The following ZFP82 variants were observed in gnomAD, a reference collection of about 807,000 sequenced individuals.
The protein encoded by ZFP82 is ZFP82 zinc finger protein.
A neutral mutation model predicts 54.0 loss-of-function variants in ZFP82; 30 were observed. The ratio of observed to expected loss-of-function variants is 0.56; its 90% confidence interval spans 0.42 to 0.75. The LOEUF is 0.75. Among genes scored for constraint, ZFP82 ranks in the 30% least tolerant of loss-of-function variants. The probability of loss-of-function intolerance (pLI) is 0.00; values close to 1 mark genes in which losing one functional copy is unlikely to be tolerated. For missense variants in ZFP82, 500 were observed against 636.8 expected (o/e 0.79, Z 2.31); for synonymous variants, 194 against 209.5 (o/e 0.93, Z 0.64).
At position 36,409,768 on chromosome 19, in the gene ZFP82, G is replaced by A. The variant is rs767900953; in HGVS notation, c.9+13C>T. Reference sequence around the variant, plus strand: ...TAACATGATAGTATTCCTAGGAGGAGAAAAAAACTTACAAGGGCCATGGTA... The same window carrying A: ...TAACATGATAGTATTCCTAGGAGGAAAAAAAAACTTACAAGGGCCATGGTA... On this transcript the variant is annotated intron_variant, in intron 2 of 4. Coordinates refer to ENST00000392161, the MANE Select transcript of ZFP82 (RefSeq NM_133466.4). The A allele has an allele frequency of 6.2e-7, 1 of 1,613,570 alleles. No individual in the cohort carries two copies. The highest frequency in any genetic ancestry group is 1.1e-5 in the South Asian group (1 of 91,062).
intron 1 of ZFP82, among the ~76,000 whole-genome samples, chr19:36,414,687 T>A (rs2032639034): frequency 1.3e-5 from 2 of 151,992 alleles, no homozygotes; most frequent in African/African-American, 4.8e-5. Flanking sequence ...AATAATGTTA[T>A]CAAAAAAGGA....
Position 36,393,282 on chromosome 19 carries a change from AGTT to A in ZFP82, c.1055_1057del (p.Gln352del). 15 of 1,613,936 alleles carry A rather than the reference AGTT, an allele frequency of 9.3e-6. No individual in the cohort carries two copies. Among genetic ancestry groups the A allele is most frequent in the Non-Finnish European group, 1.3e-5 (15 of 1,179,980 alleles). ...AGTATGAATTCTCTGATGGAGTGTT[AGTT>A]GTTGTCGCACTCTAAAGGCCTTCCC... On this transcript the variant is annotated inframe_deletion, in exon 5 of 5. Transcript: ENST00000392161.
chr19:36,388,541 G>A (rs2032141639), downstream of ZFP82, among the ~76,000 whole-genome samples: 1 of 151,594 alleles, frequency 6.6e-6, no homozygotes, highest in Non-Finnish European at 1.5e-5. Flanking sequence ...TGAAATATAT[G>A]TATATAGTAA....
chr19:36,407,895 A>G lies in ZFP82; in HGVS notation c.128T>C (p.Val43Ala). 1 of 1,614,070 alleles carries G rather than the reference A, an allele frequency of 6.2e-7. No homozygotes were observed. Among genetic ancestry groups the G allele is most frequent in the Non-Finnish European group, 8.5e-7 (1 of 1,179,940 alleles). ...DVMLENYSNL[V>A]SLGCFISKPD... ...GAAGCAGATAACCTTACCCAGTGAG[A>G]CCAAGTTGCTGTAGTTCTCCAACAT... Residue 43 changes from valine to alanine, a missense_variant, in exon 3 of 5, where the codon GTC (valine) becomes GCC (alanine). Coordinates refer to ENST00000392161, the MANE Select transcript of ZFP82 (RefSeq NM_133466.4).
intron 4 of ZFP82, among the ~76,000 whole-genome samples, chr19:36,401,462 CT>C (rs1377236929): frequency 6.6e-6 from 1 of 152,152 alleles, no homozygotes; most frequent in African/African-American, 2.4e-5. Context: ...ATTTCTTCTC[CT>C]TTTATATCAC....
At chr19:36,404,777 C>T (rs531430816) in intron 4 of ZFP82, among the ~76,000 whole-genome samples, 10 of 152,350 alleles carry the variant, frequency 6.6e-5, no homozygotes, top group Admixed American at 6.5e-4. Context: ...GAAGCCTAGG[C>T]TACACTTCCC....
At chr19:36,394,339 AT>A in intron 4 of ZFP82, 1 of 480,728 alleles carries the variant, frequency 2.1e-6, no homozygotes. Context: ...AGTGGTTCTC[AT>A]ATTGAGGTGT....
At position 36,393,806 on chromosome 19, in the gene ZFP82, C is replaced by A. The variant is rs138067157; in HGVS notation, c.534G>T (p.Ala178=). Residue 178 remains alanine, a synonymous_variant, in exon 5 of 5, where the codon GCG becomes GCT. Coordinates refer to ENST00000392161, the MANE Select transcript of ZFP82 (RefSeq NM_133466.4). The stretch of plus-strand genomic sequence containing the variant: ...AAGTAAGCTGTTGGCGCACTCTGAA[C>A]GCCTTCCCACATTCCTTACATTCAT... ...KPYECKECGK[A]FRVRQQLTFH... 2 of 1,611,190 alleles carry A rather than the reference C, an allele frequency of 1.2e-6. No individual in the cohort carries two copies. Among genetic ancestry groups the A allele is most frequent in the South Asian group, 2.2e-5 (2 of 90,886 alleles).
chr19:36,395,473 T>C (rs903664435), intron 4 of ZFP82: 16 of 152,184 alleles, frequency 1.1e-4, no homozygotes, highest in African/African-American at 3.9e-4. Context: ...AAAGACAGGA[T>C]ATGCCTGTAA....
In ZFP82 at chr19:36,392,674, T is replaced by G; in HGVS notation, c.*67A>C. On this transcript the variant is annotated 3_prime_UTR_variant, in exon 5 of 5. Transcript: ENST00000392161. Reference sequence around the variant, plus strand: ...TCTAATGCCAACGCAGTTGCATGTATGGAGCAAAATAGATTAATTACTACA... The same window carrying G: ...TCTAATGCCAACGCAGTTGCATGTAGGGAGCAAAATAGATTAATTACTACA... The G allele has an allele frequency of 1.4e-5, 19 of 1,399,006 alleles. No homozygotes were observed. Among genetic ancestry groups the G allele is most frequent in the Non-Finnish European group, 1.7e-5 (18 of 1,056,856 alleles). 86.7% of individuals were successfully genotyped at this position (1,399,006 alleles called of 1,614,324 possible).
In ZFP82 at chr19:36,391,291, G is replaced by A. The variant is rs2032195137; in HGVS notation, c.*1450C>T. The A allele has an allele frequency of 1.3e-5, 2 of 151,448 alleles. No homozygotes were observed. Among genetic ancestry groups the A allele is most frequent in the Non-Finnish European group, 2.9e-5 (2 of 67,892 alleles). The allele number at this position is 151,448 out of a possible 1,614,324, so 9.4% of individuals were successfully genotyped here. A position where few individuals can be genotyped will look rare whatever the true frequency, so the allele number is the denominator to read the frequency against. Reference sequence around the variant, plus strand: ...GAGTGGTCATGATAAAAGGACACAGGAGCCAATTTGAGGGGATTGCCTCAA... The same window carrying A: ...GAGTGGTCATGATAAAAGGACACAGAAGCCAATTTGAGGGGATTGCCTCAA... On this transcript the variant is annotated 3_prime_UTR_variant, in exon 5 of 5. Coordinates refer to ENST00000392161, the MANE Select transcript of ZFP82 (RefSeq NM_133466.4).
chr19:36,414,364 CTTT>C (rs1233064068), intron 1 of ZFP82, among the ~76,000 whole-genome samples: 2 of 130,956 alleles, frequency 1.5e-5, no homozygotes, highest in Admixed American at 7.8e-5. Flanking sequence ...TGTAATTCTA[CTTT>C]TTTTTTTTTT....
intron 4 of ZFP82, among the ~76,000 whole-genome samples, chr19:36,399,354 A>C (rs927241380): frequency 4.6e-5 from 7 of 152,242 alleles, no homozygotes; most frequent in Non-Finnish European, 1.5e-5. Flanking sequence ...AGCAAGAAGC[A>C]GGTGTGGAGA....
At chr19:36,406,738 G>GT (rs1261951737) in intron 3 of ZFP82, among the ~76,000 whole-genome samples, 1 of 152,138 alleles carries the variant, frequency 6.6e-6, no homozygotes, top group African/African-American at 2.4e-5. Flanking sequence ...TTACAGGGTC[G>GT]TATCTATAGT....
chr19:36,396,636 A>G (rs2032299450), intron 4 of ZFP82, among the ~76,000 whole-genome samples: 1 of 152,040 alleles, frequency 6.6e-6, no homozygotes, highest in Non-Finnish European at 1.5e-5. Context: ...AGCCTGGGTG[A>G]AAGAGCGAGA....
chr19:36,393,613 C>G lies in ZFP82; in HGVS notation c.727G>C (p.Val243Leu). The G allele has an allele frequency of 6.2e-7, 1 of 1,613,786 alleles. No homozygotes were observed. Among genetic ancestry groups the G allele is most frequent in the Non-Finnish European group, 8.5e-7 (1 of 1,179,966 alleles). ...TCACCAATATGCATTTTCTGATGTACTCTAAGATCTGCACCACATATGAAA... is the reference window on the plus strand; with the variant it reads ...TCACCAATATGCATTTTCTGATGTAGTCTAAGATCTGCACCACATATGAAA... Reference protein sequence around the residue: ...EAFICGADLRVHQKMHIGEKP... With the variant: ...EAFICGADLRLHQKMHIGEKP... The change falls in exon 5 of 5, where the codon GTA becomes CTA. Residue 243 changes from valine to leucine, a missense_variant. Coordinates refer to ENST00000392161, the MANE Select transcript of ZFP82 (RefSeq NM_133466.4).
chr19:36,392,975 A>G lies in ZFP82; in HGVS notation c.1365T>C (p.Cys455=). 6.2e-7 allele frequency: 1 copy of G among 1,614,184 alleles called. No homozygotes were observed. Among genetic ancestry groups the G allele is most frequent in the East Asian group, 2.2e-5 (1 of 44,880 alleles). The change falls in exon 5 of 5, where the codon TGT becomes TGC. Residue 455 remains cysteine (C), a synonymous_variant. Coordinates refer to ENST00000392161, the MANE Select transcript of ZFP82 (RefSeq NM_133466.4). ...IGEKPYKCKE[C]GKAFRLRQKL... is the part of the protein sequence containing the mutation. ...TTTGGCGCAATCTAAAGGCCTTGCC[A>G]CATTCCTTACATTTATAAGGTTTCT...
rs2032194302 is a variant in ZFP82 at position 36,391,244 on chromosome 19, A to G, written c.*1497T>C. ...AACTAATCAATGCATTTGGTTCAGGAAAAAAAAAAGCTCAAAGGTTGGAGT... is the reference window on the plus strand; with the variant it reads ...AACTAATCAATGCATTTGGTTCAGGGAAAAAAAAAGCTCAAAGGTTGGAGT... On this transcript the variant is annotated 3_prime_UTR_variant, in exon 5 of 5. Coordinates refer to ENST00000392161, the MANE Select transcript of ZFP82 (RefSeq NM_133466.4). 6.7e-6 allele frequency: 1 copy of G among 149,060 alleles called. No individual in the cohort carries two copies. 9.2% of individuals were successfully genotyped at this position (149,060 alleles called of 1,614,324 possible). A position where few individuals can be genotyped will look rare whatever the true frequency, so the allele number is the denominator to read the frequency against.
At chr19:36,402,467 T>TCAAAAAAAAAA (rs2032403815) in intron 4 of ZFP82, among the ~76,000 whole-genome samples, 1 of 11,926 alleles carries the variant, frequency 8.4e-5, no homozygotes, top group African/African-American at 5.7e-4. Flanking sequence ...AGACTCCATC[T>TCAAAAAAAAAA]CAAAAAAAAA....
Sources: allele counts gnomAD v4.1 joint callset (sites outside exome capture counted in the v4.1 genomes callset), GRCh38; gene constraint gnomAD v4.1.1; transcripts MANE v1.5; gene names NCBI Gene and HGNC (gene_info 2026-07-23, HGNC 2026-07-21).